The following NDST4 variants were observed in gnomAD, a reference collection of about 807,000 sequenced individuals.
NDST4 encodes N-heparan sulfate sulfotransferase 4.
Under a neutral mutation model 100.8 loss-of-function variants are expected in NDST4, and 63 were observed. The observed-to-expected ratio is 0.62, with a 90% CI of 0.51 to 0.77. The LOEUF (loss-of-function observed/expected upper bound fraction) is 0.77. Ranked by LOEUF, NDST4 falls within the 30% of genes least tolerant of loss-of-function variation. NDST4 has a pLI of 0.00. For synonymous variants in NDST4, 377 were observed against 361.8 expected (o/e 1.04, Z -0.48); for missense variants, 943 against 1,018.4 (o/e 0.93, Z 1.01).
intron 2 of NDST4, among the ~76,000 whole-genome samples, chr4:115,028,930 G>A (rs574585045): frequency 3.9e-5 from 6 of 152,198 alleles, no homozygotes; most frequent in Middle Eastern, 3.4e-3. Flanking sequence ...AACCACAAAG[G>A]ATAATACAGT....
intron 2 of NDST4, among the ~76,000 whole-genome samples, chr4:114,999,636 G>T (rs1015570283): frequency 3.9e-5 from 6 of 151,950 alleles, no homozygotes; most frequent in African/African-American, 1.4e-4. Context: ...ATTATCAAAG[G>T]TCTTAGCTTA....
At chr4:114,921,431 C>A (rs958273372) in intron 6 of NDST4, among the ~76,000 whole-genome samples, 26 of 152,106 alleles carry the variant, frequency 1.7e-4, no homozygotes, top group Admixed American at 5.9e-4. Context: ...GTTCAAGCAG[C>A]AAGAAACAAC....
At chr4:114,962,840 C>G (rs892934882) in intron 4 of NDST4, among the ~76,000 whole-genome samples, 1 of 151,932 alleles carries the variant, frequency 6.6e-6, no homozygotes, top group African/African-American at 2.4e-5. Flanking sequence ...TCAAAAGACC[C>G]AGAATAGTCA....
chr4:114,946,962 GT>G (rs375177866), intron 4 of NDST4, among the ~76,000 whole-genome samples: 18 of 148,232 alleles, frequency 1.2e-4, no homozygotes, highest in African/African-American at 2.2e-4. Flanking sequence ...TATGTGAAAG[GT>G]TTTTTTTTTG....
intron 1 of NDST4, among the ~76,000 whole-genome samples, chr4:115,100,196 T>A (rs906449376): frequency 6.6e-6 from 1 of 152,172 alleles, no homozygotes; most frequent in East Asian, 1.9e-4. Flanking sequence ...ACACAGGTGA[T>A]ATTTAGGGTA....
intron 2 of NDST4, among the ~76,000 whole-genome samples, chr4:114,981,192 CGAAA>C (rs1317659313): frequency 2.1e-5 from 3 of 140,648 alleles, no homozygotes; most frequent in Non-Finnish European, 4.6e-5. Context: ...TCTGACAAAG[CGAAA>C]GAAAGAGAAG....
chr4:114,861,376 A>G (rs1001456194), intron 7 of NDST4, among the ~76,000 whole-genome samples: 4 of 152,164 alleles, frequency 2.6e-5, no homozygotes, highest in Non-Finnish European at 4.4e-5. Context: ...GTTATTTAAA[A>G]TCATTAAATC....
intron 6 of NDST4, among the ~76,000 whole-genome samples, chr4:114,879,427 G>A (rs1163742639): frequency 2.0e-5 from 3 of 151,960 alleles, no homozygotes; most frequent in Non-Finnish European, 4.4e-5. Context: ...AGTATGATGA[G>A]GTGATGTCTT....
intron 6 of NDST4, among the ~76,000 whole-genome samples, chr4:114,883,395 A>G (rs1289726518): frequency 1.3e-5 from 2 of 152,070 alleles, no homozygotes; most frequent in Non-Finnish European, 2.9e-5. Context: ...AAAGTTGTCT[A>G]TGTTAGTTTA....
intron 3 of NDST4, among the ~76,000 whole-genome samples, chr4:114,975,049 A>G (rs1217768191): frequency 1.3e-5 from 2 of 152,188 alleles, no homozygotes; most frequent in East Asian, 3.9e-4. Flanking sequence ...TTGATTTGCA[A>G]TTGTTTTTTC....
At chr4:114,993,611 TA>T (rs577360036) in intron 2 of NDST4, among the ~76,000 whole-genome samples, 1 of 151,978 alleles carries the variant, frequency 6.6e-6, no homozygotes, top group African/African-American at 2.4e-5. Context: ...GTAAAATACT[TA>T]AAAATATCTT....
rs1560573129 is a variant in NDST4 at position 115,030,036 on chromosome 4, T to TTG, written c.978+46022_978+46023insCA. On this transcript the variant is annotated intron_variant, in intron 2 of 13. Transcript: ENST00000264363. ...AATATATTTTACCTTATTGTGTAATTTTGTTATTACTGTTTTATGCTATGC... is the reference window on the plus strand; with the variant it reads ...AATATATTTTACCTTATTGTGTAATTTGTTGTTATTACTGTTTTATGCTATGC... Among the ~76,000 whole-genome samples, 413 of 152,162 alleles carry TTG rather than the reference T, an allele frequency of 2.7e-3. 1 individual carries two copies. The highest frequency in any genetic ancestry group is 9.6e-3 in the African/African-American group (397 of 41,496).
chr4:114,895,786 A>G (rs78372193), intron 6 of NDST4, among the ~76,000 whole-genome samples: 34,450 of 151,976 alleles, frequency 0.23, 5,609 homozygotes, highest in African/African-American at 0.47. Flanking sequence ...TAACCTGCAC[A>G]TTGTGCACAT....
chr4:114,889,505 C>T (rs1724547954), intron 6 of NDST4, among the ~76,000 whole-genome samples: 1 of 152,128 alleles, frequency 6.6e-6, no homozygotes, highest in African/African-American at 2.4e-5. Flanking sequence ...GATAATAAAA[C>T]TTGTGTTCAC....
At chr4:115,060,245 T>C (rs1728789582) in intron 2 of NDST4, among the ~76,000 whole-genome samples, 1 of 151,998 alleles carries the variant, frequency 6.6e-6, no homozygotes, top group Non-Finnish European at 1.5e-5. Flanking sequence ...AAAAAGTTTA[T>C]GGGTTTTAGG....
chr4:115,085,257 C>A (rs2126292811), intron 1 of NDST4, among the ~76,000 whole-genome samples: 1 of 152,308 alleles, frequency 6.6e-6, no homozygotes, highest in East Asian at 1.9e-4. Context: ...CCTGTACCCC[C>A]ATTGTATCTA....
At chr4:115,095,952 A>G (rs1162788771) in intron 1 of NDST4, among the ~76,000 whole-genome samples, 2 of 152,038 alleles carry the variant, frequency 1.3e-5, no homozygotes, top group Non-Finnish European at 2.9e-5. Context: ...AACATCAACA[A>G]TATTTCAAAC....
intron 2 of NDST4, among the ~76,000 whole-genome samples, chr4:115,043,498 G>GA (rs1197279823): frequency 1.3e-5 from 2 of 152,006 alleles, no homozygotes; most frequent in African/African-American, 4.8e-5. Flanking sequence ...CAGTTTTGCA[G>GA]AAAAAACGAA....
chr4:115,052,598 C>G (rs934148407), intron 2 of NDST4, among the ~76,000 whole-genome samples: 31 of 151,974 alleles, frequency 2.0e-4, no homozygotes, highest in Non-Finnish European at 4.4e-5. Context: ...CACAAGCTCT[C>G]TTGCCTGCCC....
Sources: allele counts gnomAD v4.1 joint callset (sites outside exome capture counted in the v4.1 genomes callset), GRCh38; gene constraint gnomAD v4.1.1; transcripts MANE v1.5; gene names NCBI Gene and HGNC (gene_info 2026-07-23, HGNC 2026-07-21).